SYNE1: variants seen among roughly 807,000 people sequenced by gnomAD.
SYNE1 encodes nesprin-1.
A neutral mutation model predicts 1,111.0 loss-of-function variants in SYNE1; 616 were observed. That is an observed-to-expected ratio of 0.55 (90% CI 0.52 to 0.59). The LOEUF is 0.59. SYNE1 is among the 20% of genes least tolerant of loss of function. The probability of loss-of-function intolerance (pLI) is 0.00; values close to 1 mark genes in which losing one functional copy is unlikely to be tolerated. For missense variants in SYNE1, 10,006 were observed against 10,417.0 expected (o/e 0.96, Z 1.72); for synonymous variants, 3,855 against 3,825.8 (o/e 1.01, Z -0.28).
chr6:152,355,838 A>C (rs1019804251), intron 66 of SYNE1, among the ~76,000 whole-genome samples: 24 of 152,214 alleles, frequency 1.6e-4, no homozygotes, highest in African/African-American at 5.5e-4. Flanking sequence ...ACTATATTTT[A>C]AAAACCACTT....
intron 133 of SYNE1, among the ~76,000 whole-genome samples, chr6:152,153,908 C>T (rs532971500): frequency 8.5e-4 from 129 of 152,116 alleles, no homozygotes; most frequent in Non-Finnish European, 1.1e-3. Context: ...AATAAAAAAG[C>T]GAACTTCTTA....
intron 74 of SYNE1, among the ~76,000 whole-genome samples, chr6:152,339,825 G>T (rs1351319982): frequency 1.3e-5 from 2 of 152,290 alleles, no homozygotes; most frequent in East Asian, 3.9e-4. Flanking sequence ...CTTTGCAGGA[G>T]ATTCATCTTG....
intron 81 of SYNE1, among the ~76,000 whole-genome samples, chr6:152,324,399 G>C (rs928988481): frequency 2.0e-5 from 3 of 150,348 alleles, no homozygotes; most frequent in African/African-American, 7.4e-5. Flanking sequence ...ACTCCAAAAA[G>C]GAAAAAGTTG....
intron 40 of SYNE1, 80 bp from the exon 41 acceptor site, chr6:152,417,095 G>A (rs968463617): frequency 1.3e-5 from 20 of 1,590,410 alleles, no homozygotes; most frequent in Admixed American, 6.7e-5. Context: ...TTTGTGATGT[G>A]AAGATCTATT....
At chr6:152,418,153 A>T (rs1249462346) in intron 40 of SYNE1, among the ~76,000 whole-genome samples, 2 of 152,144 alleles carry the variant, frequency 1.3e-5, no homozygotes, top group African/African-American at 2.4e-5. Context: ...TTCTTAGAGC[A>T]TTTACTTTAG....
intron 52 of SYNE1, among the ~76,000 whole-genome samples, chr6:152,390,776 C>A (rs2097601382): frequency 6.6e-6 from 1 of 152,182 alleles, no homozygotes; most frequent in Admixed American, 6.5e-5. Context: ...ACCCAGCAGT[C>A]CCCTACATTA....
chr6:152,578,063 CA>C (rs1409661113), intron 3 of SYNE1, among the ~76,000 whole-genome samples: 1 of 152,044 alleles, frequency 6.6e-6, no homozygotes, highest in African/African-American at 2.4e-5. Context: ...ATCTAGATAG[CA>C]AAAATGGTTT....
intron 117 of SYNE1, among the ~76,000 whole-genome samples, chr6:152,224,225 A>C (rs963830304): frequency 1.3e-5 from 2 of 152,224 alleles, no homozygotes; most frequent in Admixed American, 1.3e-4. Context: ...TTGGGCATAA[A>C]ATCATTGTAT....
At chr6:152,226,454 CT>C (rs2081591331) in intron 115 of SYNE1, among the ~76,000 whole-genome samples, 1 of 152,140 alleles carries the variant, frequency 6.6e-6, no homozygotes. Flanking sequence ...CTAAAATACT[CT>C]GAATTCTATG....
At position 152,347,080 on chromosome 6, in the gene SYNE1, C is replaced by G. The variant is rs144596829; in HGVS notation, c.12057G>C (p.Ala4019=). Residue 4019 remains alanine (A), a synonymous_variant, in exon 73 of 146, where the codon GCG becomes GCC. Transcript: ENST00000367255. ...TCACCCTCTGAGCTGTGCTGCAGAT[C>G]GCTGAGTAGCTGTCCTTTGTGCCCT... ...HLQGTKDSYS[A]ICSTAQRMYQ... 6.2e-7 allele frequency: 1 copy of G among 1,614,052 alleles called. No individual in the cohort carries two copies.
Position 152,164,205 on chromosome 6 carries a change from G to C in SYNE1, c.23748C>G (p.Ser7916=). The change falls in exon 131 of 146, where the codon TCC becomes TCG. Residue 7916 remains serine, a synonymous_variant. Coordinates refer to ENST00000367255, the MANE Select transcript of SYNE1 (RefSeq NM_182961.4). ...TTCTCTGTATTTCTTCCGAGTTACA[G>C]GAATCGTAGACTATTGGCTTGGCCA... ...SELAKPIVYD[S]CNSEEIQRKL... The C allele has an allele frequency of 6.2e-7, 1 of 1,614,190 alleles. No homozygotes were observed. Among genetic ancestry groups the C allele is most frequent in the Non-Finnish European group, 8.5e-7 (1 of 1,180,038 alleles).
chr6:152,607,116 G>A (rs1192745775), intron 3 of SYNE1, among the ~76,000 whole-genome samples: 2 of 148,072 alleles, frequency 1.4e-5, no homozygotes, highest in African/African-American at 5.0e-5. Context: ...CCCCCAGTAG[G>A]TGGGACTACA....
intron 55 of SYNE1, among the ~76,000 whole-genome samples, chr6:152,384,212 A>G (rs926819229): frequency 6.6e-6 from 1 of 152,232 alleles, no homozygotes; most frequent in Non-Finnish European, 1.5e-5. Context: ...ACGGCTAGAA[A>G]GCCAATAGAA....
At chr6:152,297,541 G>A (rs781334660) in intron 93 of SYNE1, among the ~76,000 whole-genome samples, 6 of 152,106 alleles carry the variant, frequency 3.9e-5, no homozygotes, top group Non-Finnish European at 8.8e-5. Context: ...GGAGTGTTTG[G>A]CAAATAACAG....
At chr6:152,267,181 C>T (rs893262412) in intron 100 of SYNE1, among the ~76,000 whole-genome samples, 108 of 152,248 alleles carry the variant, frequency 7.1e-4, no homozygotes, top group African/African-American at 2.5e-3. Context: ...CATATTTCCT[C>T]CTTTATGTTA....
chr6:152,533,696 C>A lies in SYNE1; in HGVS notation c.129+6264G>T, dbSNP rs2099217277. On this transcript the variant is annotated intron_variant, in intron 4 of 145. Coordinates refer to ENST00000367255, the MANE Select transcript of SYNE1 (RefSeq NM_182961.4). ...CTTCAGTCTACGTTCAGCAGAAGAG[C>A]TTCTTGATCTTCTTTACTGTCCATC... 2.0e-5 allele frequency among the ~76,000 whole-genome samples: 3 copies of A among 152,106 alleles called. No homozygotes were observed. The South Asian group carries it at 6.2e-4, about 32-fold the overall frequency.
chr6:152,583,476 T>A (rs2099527186), intron 3 of SYNE1, among the ~76,000 whole-genome samples: 2 of 152,250 alleles, frequency 1.3e-5, no homozygotes, highest in South Asian at 4.1e-4. Flanking sequence ...CTGTGAGGAT[T>A]GTGCAGAAAA....
intron 127 of SYNE1, among the ~76,000 whole-genome samples, chr6:152,195,250 A>T (rs1444780188): frequency 6.6e-6 from 1 of 152,184 alleles, no homozygotes; most frequent in African/African-American, 2.4e-5. Flanking sequence ...TATCTGTCTG[A>T]AAGGTTGCAT....
intron 11 of SYNE1, among the ~76,000 whole-genome samples, chr6:152,490,418 ATGGCT>A (rs2098964152): frequency 6.6e-6 from 1 of 152,126 alleles, no homozygotes. Context: ...ATAAGTGAAA[ATGGCT>A]GGTTCCTGCC....
Sources: gnomAD v4.1 joint callset for allele counts (sites outside exome capture counted in the v4.1 genomes callset) on GRCh38, gnomAD v4.1.1 for gene constraint, MANE v1.5 for transcripts, NCBI Gene and HGNC (gene_info 2026-07-23, HGNC 2026-07-21) for gene names.